ADAMTSL1: variants seen among roughly 807,000 people sequenced by gnomAD.
ADAMTSL1 encodes the protein ADAMTS-like protein 1.
ADAMTSL1 carries 126 observed loss-of-function variants against 201.8 expected under a neutral mutation model. That is an observed-to-expected ratio of 0.62 (90% CI 0.54 to 0.72). The LOEUF (loss-of-function observed/expected upper bound fraction) is 0.72. Ranked by LOEUF, ADAMTSL1 falls within the 30% of genes least tolerant of loss-of-function variation. ADAMTSL1 has a pLI of 0.00. For synonymous variants in ADAMTSL1, 1,121 were observed against 903.4 expected (o/e 1.24, Z -4.32); for missense variants, 2,679 against 2,277.8 (o/e 1.18, Z -3.59).
rs200460821 is a variant in ADAMTSL1, at chr9:18,867,040, T to G, written c.4250-20791T>G. ...TCCCTCTCTACTAAATGTAACCACATGCTCCACACTTTCTTGCAAGGAAAG... is the reference window on the plus strand; with the variant it reads ...TCCCTCTCTACTAAATGTAACCACAGGCTCCACACTTTCTTGCAAGGAAAG... On this transcript the variant is annotated intron_variant, in intron 23 of 28. Transcript: ENST00000380548. Among the ~76,000 whole-genome samples the G allele has an allele frequency of 2.6e-5, 4 of 152,220 alleles. No homozygotes were observed. The East Asian group carries it at 7.7e-4, about 29-fold the overall frequency.
chr9:18,201,738 A>C (rs1445264255), intron 2 of ADAMTSL1, among the ~76,000 whole-genome samples: 3 of 152,104 alleles, frequency 2.0e-5, no homozygotes, highest in Non-Finnish European at 4.4e-5. Context: ...TTAGGATATA[A>C]AAGAACCTCA....
At chr9:18,714,633 A>G (rs9407930) in intron 14 of ADAMTSL1, among the ~76,000 whole-genome samples, 20,375 of 122,902 alleles carry the variant, frequency 0.17, 2,157 homozygotes, top group Non-Finnish European at 0.22. Context: ...AAGAGTCCAG[A>G]ACCAGATGGA....
At chr9:18,248,694 C>G (rs964919373) in intron 2 of ADAMTSL1, among the ~76,000 whole-genome samples, 1 of 152,164 alleles carries the variant, frequency 6.6e-6, no homozygotes, top group Non-Finnish European at 1.5e-5. Context: ...CTGCGGCAAA[C>G]GCATCGTCCA....
chr9:18,588,311 G>T (rs1372622851), intron 4 of ADAMTSL1, among the ~76,000 whole-genome samples: 1 of 151,910 alleles, frequency 6.6e-6, no homozygotes, highest in African/African-American at 2.4e-5. Context: ...TTTTTTATCA[G>T]AAATTTTTTT....
intron 2 of ADAMTSL1, among the ~76,000 whole-genome samples, chr9:18,311,434 C>T (rs1162151462): frequency 1.3e-5 from 2 of 152,084 alleles, no homozygotes; most frequent in Non-Finnish European, 2.9e-5. Flanking sequence ...AATAGCACGT[C>T]AATGTGTTTT....
Position 18,091,147 on chromosome 9 carries a change from T to C in ADAMTSL1, c.88-72715T>C, listed in dbSNP as rs547295858. ...TGGATATAAATTGGTAGTCAACCATTAGCCCCACGGTACTGTTTTTTGTTT... is the reference window on the plus strand; with the variant it reads ...TGGATATAAATTGGTAGTCAACCATCAGCCCCACGGTACTGTTTTTTGTTT... On this transcript the variant is annotated intron_variant, in intron 1 of 29. Coordinates refer to the ADAMTSL1 transcript ENST00000680146. Among the ~76,000 whole-genome samples the C allele has an allele frequency of 3.3e-5, 5 of 152,146 alleles. No homozygotes were observed. The East Asian group carries it at 7.7e-4, about 23-fold the overall frequency.
intron 1 of ADAMTSL1, among the ~76,000 whole-genome samples, chr9:18,065,380 C>A (rs1322725231): frequency 6.6e-6 from 1 of 152,130 alleles, no homozygotes; most frequent in African/African-American, 2.4e-5. Flanking sequence ...CATGGTGTTT[C>A]ATTACTCTCT....
chr9:18,074,496 CTTTTCTTTTCTTTTCTT>C (rs1823111023), intron 1 of ADAMTSL1, among the ~76,000 whole-genome samples: 1 of 78,606 alleles, frequency 1.3e-5, no homozygotes, highest in African/African-American at 6.5e-5. Context: ...CTTTTCTTTT[CTTTTCTTTTCTTTTCTT>C]CTTTTCTTTT....
At chr9:18,358,130 A>G (rs7047314) in intron 2 of ADAMTSL1, among the ~76,000 whole-genome samples, 80,377 of 151,988 alleles carry the variant, frequency 0.53, 21,345 homozygotes, top group East Asian at 0.59. Context: ...TCTCATCTGC[A>G]CATTTAGAAT....
At chr9:18,328,606 C>T (rs553943252) in intron 2 of ADAMTSL1, among the ~76,000 whole-genome samples, 55 of 152,318 alleles carry the variant, frequency 3.6e-4, no homozygotes, top group Non-Finnish European at 6.5e-4. Flanking sequence ...GCTATGAAAA[C>T]AAGCAGTCTG....
At chr9:18,280,624 G>A (rs1254109037) in intron 2 of ADAMTSL1, among the ~76,000 whole-genome samples, 1 of 152,002 alleles carries the variant, frequency 6.6e-6, no homozygotes, top group African/African-American at 2.4e-5. Context: ...CTCGAGTTTT[G>A]TACATTATTT....
At chr9:18,058,817 C>A (rs766311836) in intron 1 of ADAMTSL1, among the ~76,000 whole-genome samples, 5 of 152,154 alleles carry the variant, frequency 3.3e-5, no homozygotes, top group Non-Finnish European at 7.4e-5. Flanking sequence ...TCTCATAAAT[C>A]TTTTACAAGA....
chr9:18,377,116 T>G (rs545180683), intron 2 of ADAMTSL1, among the ~76,000 whole-genome samples: 9 of 152,182 alleles, frequency 5.9e-5, no homozygotes, highest in Admixed American at 2.6e-4. Flanking sequence ...GAGAAGAAGT[T>G]TGAGACAACG....
chr9:18,331,945 C>G (rs1835044229), intron 2 of ADAMTSL1, among the ~76,000 whole-genome samples: 1 of 152,154 alleles, frequency 6.6e-6, no homozygotes, highest in East Asian at 1.9e-4. Flanking sequence ...TTGCTGCAGT[C>G]TCGCCTGTAA....
At chr9:18,572,703 G>A (rs1289861029) in intron 3 of ADAMTSL1, among the ~76,000 whole-genome samples, 1 of 152,102 alleles carries the variant, frequency 6.6e-6, no homozygotes, top group Non-Finnish European at 1.5e-5. Context: ...TATCACTAAT[G>A]TTTTGGAAAA....
intron 2 of ADAMTSL1, among the ~76,000 whole-genome samples, chr9:18,466,833 T>A (rs1481234575): frequency 1.3e-5 from 2 of 152,158 alleles, no homozygotes; most frequent in Non-Finnish European, 2.9e-5. Context: ...AGAATAAAAT[T>A]GAAGACCATA....
chr9:18,489,129 G>A (rs149529959), intron 1 of ADAMTSL1, among the ~76,000 whole-genome samples: 1 of 152,082 alleles, frequency 6.6e-6, no homozygotes, highest in African/African-American at 2.4e-5. Flanking sequence ...AATTTTCCCA[G>A]GTAATTTGAA....
chr9:18,648,370 G>A (rs547803842), intron 7 of ADAMTSL1, among the ~76,000 whole-genome samples: 15 of 151,616 alleles, frequency 9.9e-5, no homozygotes, highest in Admixed American at 2.0e-4. Flanking sequence ...TTTAATTGGC[G>A]CATTTAGTCC....
At position 18,544,248 on chromosome 9, in the gene ADAMTSL1, G is replaced by T. The variant is rs372183555; in HGVS notation, c.237+10956G>T. ...CATTGCCTTGGTAAAAGCTAAGTGA[G>T]TGACACTCTTACAAGAAACAGGGCC... On this transcript the variant is annotated intron_variant, in intron 3 of 28. Transcript: ENST00000380548. 3.3e-5 allele frequency among the ~76,000 whole-genome samples: 5 copies of T among 152,268 alleles called. No homozygotes were observed. The East Asian group carries it at 7.7e-4, about 24-fold the overall frequency.
Sources: allele counts gnomAD v4.1 joint callset (sites outside exome capture counted in the v4.1 genomes callset), GRCh38; gene constraint gnomAD v4.1.1; transcripts MANE v1.5; gene names NCBI Gene and HGNC (gene_info 2026-07-23, HGNC 2026-07-21).